AP1S3: variants seen among roughly 807,000 people sequenced by gnomAD.
AP1S3 encodes the protein AP-1 complex subunit sigma-3.
A neutral mutation model predicts 20.9 loss-of-function variants in AP1S3; 10 were observed. That is an observed-to-expected ratio of 0.48 (90% CI 0.29 to 0.81). The LOEUF (loss-of-function observed/expected upper bound fraction) is 0.81. Ranked by LOEUF, AP1S3 falls within the 30% of genes least tolerant of loss-of-function variation. AP1S3 has a pLI of 0.08. For synonymous variants in AP1S3, 41 were observed against 61.5 expected (o/e 0.67, Z 1.56); for missense variants, 154 against 183.8 (o/e 0.84, Z 0.94).
At chr2:223,832,815 T>C (rs1293141889) in intron 1 of AP1S3, among the ~76,000 whole-genome samples, 6 of 150,636 alleles carry the variant, frequency 4.0e-5, no homozygotes, top group African/African-American at 1.2e-4. Flanking sequence ...TTCTTTTTTT[T>C]TTTTTTTTTT....
chr2:223,765,083 A>G, intron 4 of AP1S3, 130 bp downstream of exon 4: 1 of 1,319,978 alleles, frequency 7.6e-7, no homozygotes, highest in Non-Finnish European at 1.0e-6. Context: ...AAGCTAATAC[A>G]TATAAATAGT....
chr2:223,828,757 C>T (rs1692191334), intron 1 of AP1S3, among the ~76,000 whole-genome samples: 1 of 152,182 alleles, frequency 6.6e-6, no homozygotes, highest in African/African-American at 2.4e-5. Context: ...GCCCTGCATT[C>T]AGAAGGACCC....
intron 4 of AP1S3, among the ~76,000 whole-genome samples, chr2:223,761,276 G>T (rs573245579): frequency 6.6e-6 from 1 of 152,190 alleles, no homozygotes; most frequent in Non-Finnish European, 1.5e-5. Context: ...CACAGTGTAT[G>T]TTATGACTTC....
intron 1 of AP1S3, among the ~76,000 whole-genome samples, chr2:223,825,439 C>A (rs1329606431): frequency 6.6e-6 from 1 of 152,166 alleles, no homozygotes; most frequent in South Asian, 2.1e-4. Context: ...CTCTCACACA[C>A]ACATCCAGTC....
At chr2:223,790,001 T>C (rs1324356678) in intron 1 of AP1S3, among the ~76,000 whole-genome samples, 4 of 152,136 alleles carry the variant, frequency 2.6e-5, no homozygotes, top group African/African-American at 7.2e-5. Context: ...GCCCATCAAG[T>C]GTGCAGCACA....
intron 1 of AP1S3, among the ~76,000 whole-genome samples, chr2:223,788,762 T>TAAAAAAAAA (rs778744960): frequency 9.1e-6 from 1 of 110,128 alleles, no homozygotes. Context: ...AGACTCTGTC[T>TAAAAAAAAA]AAAAAAAAAA....
At chr2:223,804,926 C>A (rs1691544977) in intron 1 of AP1S3, among the ~76,000 whole-genome samples, 2 of 152,150 alleles carry the variant, frequency 1.3e-5, no homozygotes, top group Non-Finnish European at 2.9e-5. Flanking sequence ...TTGAAAAACA[C>A]CTTAAACTAA....
At chr2:223,818,903 G>A (rs1691920271) in intron 1 of AP1S3, among the ~76,000 whole-genome samples, 1 of 152,166 alleles carries the variant, frequency 6.6e-6, no homozygotes, top group Non-Finnish European at 1.5e-5. Context: ...ACCACTGGCT[G>A]CTTTAAAGAT....
intron 1 of AP1S3, among the ~76,000 whole-genome samples, chr2:223,779,658 C>T (rs76798134): frequency 0.034 from 5,208 of 151,896 alleles, 171 homozygotes; most frequent in East Asian, 0.16. Context: ...TTTAAGAAAA[C>T]GTTTTACAGA....
At chr2:223,807,777 C>T (rs2106115733) in intron 1 of AP1S3, among the ~76,000 whole-genome samples, 1 of 150,374 alleles carries the variant, frequency 6.7e-6, no homozygotes, top group Admixed American at 6.6e-5. Flanking sequence ...CCCTAGAAGT[C>T]GAGCATGCTT....
chr2:223,771,394 C>A (rs765223396), intron 3 of AP1S3, among the ~76,000 whole-genome samples: 1 of 151,994 alleles, frequency 6.6e-6, no homozygotes, highest in Non-Finnish European at 1.5e-5. Flanking sequence ...TGAGGTTGTC[C>A]CAATACAACA....
At chr2:223,802,568 G>A (rs1336865406) in intron 1 of AP1S3, among the ~76,000 whole-genome samples, 3 of 152,186 alleles carry the variant, frequency 2.0e-5, no homozygotes, top group South Asian at 2.1e-4. Flanking sequence ...GCCTCCCAAA[G>A]TGCTGTGATT....
intron 1 of AP1S3, among the ~76,000 whole-genome samples, chr2:223,808,038 G>T (rs2106116122): frequency 6.6e-6 from 1 of 151,736 alleles, no homozygotes; most frequent in East Asian, 1.9e-4. Context: ...TCCAGGCACA[G>T]ATCACCACGC....
intron 1 of AP1S3, among the ~76,000 whole-genome samples, chr2:223,780,821 A>G (rs573342426): frequency 3.2e-4 from 48 of 151,754 alleles, no homozygotes; most frequent in Non-Finnish European, 4.9e-4. Context: ...ATTCAGGAGT[A>G]TATGTGTGCT....
chr2:223,833,035 T>C (rs957014491), intron 1 of AP1S3, among the ~76,000 whole-genome samples: 1 of 152,132 alleles, frequency 6.6e-6, no homozygotes, highest in Non-Finnish European at 1.5e-5. Flanking sequence ...AAGACGGTTA[T>C]TCATGTTTCC....
chr2:223,832,938 A>G (rs1051498145), intron 1 of AP1S3, among the ~76,000 whole-genome samples: 48 of 120,530 alleles, frequency 4.0e-4, no homozygotes, highest in African/African-American at 1.4e-3. Context: ...CGTACACCCA[A>G]AAAAAATCCT....
chr2:223,768,231 C>A (rs960743172), intron 3 of AP1S3, among the ~76,000 whole-genome samples: 2 of 152,186 alleles, frequency 1.3e-5, no homozygotes, highest in Non-Finnish European at 2.9e-5. Context: ...GCTTTCTGCA[C>A]ATTCCAACAA....
Position 223,777,921 on chromosome 2 carries a change from G to A in AP1S3, c.4-52C>T, listed in dbSNP as rs575877951. 34 of 1,490,086 alleles carry A rather than the reference G, an allele frequency of 2.3e-5. 1 individual carries two copies. Among genetic ancestry groups the A allele is most frequent in the African/African-American group, 2.1e-4 (15 of 71,898 alleles). 92.3% of individuals were successfully genotyped at this position (1,490,086 alleles called of 1,614,324 possible). On this transcript the variant is annotated intron_variant, in intron 1 of 4. Coordinates refer to ENST00000396654, the MANE Select transcript of AP1S3 (RefSeq NM_001039569.2). The stretch of plus-strand genomic sequence containing the variant: ...ACCTGATCAACCAAGTCACTCTGCC[G>A]TTCTGCAAAGACACTGAAATTCAAT...
At chr2:223,814,964 G>C (rs942523891) in intron 1 of AP1S3, among the ~76,000 whole-genome samples, 1 of 152,020 alleles carries the variant, frequency 6.6e-6, no homozygotes, top group Non-Finnish European at 1.5e-5. Context: ...TGTAGAAAGG[G>C]GTGTCTCACT....
Sources: allele counts gnomAD v4.1 joint callset (sites outside exome capture counted in the v4.1 genomes callset), GRCh38; gene constraint gnomAD v4.1.1; transcripts MANE v1.5; gene names NCBI Gene and HGNC (gene_info 2026-07-23, HGNC 2026-07-21).